TTC7A: variants seen among roughly 807,000 people sequenced by gnomAD.
TTC7A encodes tetratricopeptide repeat domain 7A.
In TTC7A, 110 loss-of-function variants were observed where a neutral mutation model predicts 103.7. The ratio of observed to expected loss-of-function variants is 1.06; its 90% CI spans 0.91 to 1.24. The LOEUF (loss-of-function observed/expected upper bound fraction) is 1.24, where lower values mean the gene tolerates loss of function less well. TTC7A is among the 50% of genes most tolerant of loss of function. The pLI, the probability that TTC7A is intolerant of heterozygous loss-of-function variation, is 0.00. For synonymous variants in TTC7A, 521 were observed against 467.9 expected (o/e 1.11, Z -1.47); for missense variants, 1,340 against 1,116.3 (o/e 1.20, Z -2.86).
intron 6 of TTC7A, 72 bp downstream of exon 6, chr2:46,993,600 A>G (rs142764474): frequency 1.4e-6 from 2 of 1,461,098 alleles, no homozygotes; most frequent in South Asian, 1.1e-5. Flanking sequence ...AAGTCCTTGC[A>G]GGGAGCCTGT....
At chr2:46,987,809 C>CGCGTGT (rs1466713336) in intron 5 of TTC7A, among the ~76,000 whole-genome samples, 3 of 144,550 alleles carry the variant, frequency 2.1e-5, no homozygotes, top group East Asian at 2.0e-4. Flanking sequence ...CCTTTCCGCG[C>CGCGTGT]GTGTGTGTGT....
At chr2:46,963,846 C>T (rs907922258) in intron 3 of TTC7A, among the ~76,000 whole-genome samples, 1 of 152,146 alleles carries the variant, frequency 6.6e-6, no homozygotes, top group Non-Finnish European at 1.5e-5. Context: ...GGGGAAGCTT[C>T]TCATGGACCT....
At chr2:46,950,630 C>G (rs1047181334) in intron 2 of TTC7A, 104 bp downstream of exon 2, 13 of 1,279,910 alleles carry the variant, frequency 1.0e-5, no homozygotes, top group Middle Eastern at 2.2e-4. Flanking sequence ...CAACAAGTCT[C>G]TCTTACAAGC....
At chr2:47,011,564 A>G (rs1484919477) in intron 11 of TTC7A, 129 bp downstream of exon 11, 2 of 711,406 alleles carry the variant, frequency 2.8e-6, no homozygotes, top group South Asian at 2.0e-5. Context: ...TACCAGGCAG[A>G]TGGGCCTGGG....
chr2:47,072,272 G>A (rs930870207), intron 19 of TTC7A, among the ~76,000 whole-genome samples: 12 of 152,204 alleles, frequency 7.9e-5, no homozygotes, highest in African/African-American at 1.7e-4. Flanking sequence ...GCCTCTGCAC[G>A]CCTCATCCGT....
intron 5 of TTC7A, among the ~76,000 whole-genome samples, chr2:46,991,275 C>T (rs1461352813): frequency 1.3e-5 from 2 of 151,942 alleles, no homozygotes; most frequent in Non-Finnish European, 2.9e-5. Flanking sequence ...GCATTTCTAA[C>T]AAGTCCCTGG....
intron 15 of TTC7A, among the ~76,000 whole-genome samples, chr2:47,043,251 G>A (rs963718678): frequency 3.3e-5 from 5 of 152,212 alleles, no homozygotes; most frequent in African/African-American, 7.2e-5. Flanking sequence ...AGAAAGTTCT[G>A]CAGTGAACTA....
intron 15 of TTC7A, among the ~76,000 whole-genome samples, chr2:47,043,170 TAGTC>T (rs1348806279): frequency 1.3e-5 from 2 of 152,220 alleles, no homozygotes; most frequent in Non-Finnish European, 2.9e-5. Flanking sequence ...CTGTGCTCCT[TAGTC>T]AGAAGAGCAG....
At position 47,051,855 on chromosome 2, in the gene TTC7A, G is replaced by A. The variant is rs759287273; in HGVS notation, c.2127G>A (p.Thr709=). 20 of 1,611,286 alleles carry A rather than the reference G, an allele frequency of 1.2e-5. No homozygotes were observed. Among genetic ancestry groups the A allele is most frequent in the Middle Eastern group, 2.0e-4 (1 of 4,922 alleles). ...AGGGCCCCATGCAGCTGTGGACCACGCTGGAACAGATCTGGCTGCAGGCTG... is the reference window on the plus strand; with the variant it reads ...AGGGCCCCATGCAGCTGTGGACCACACTGGAACAGATCTGGCTGCAGGCTG... The part of the protein sequence containing the change: ...LKQGPMQLWT[T]LEQIWLQAAE... Residue 709 remains threonine, a synonymous_variant, in exon 18 of 20, where the codon ACG becomes ACA. Transcript: ENST00000319190.
intron 18 of TTC7A, among the ~76,000 whole-genome samples, chr2:47,057,909 C>T (rs1683448848): frequency 6.6e-6 from 1 of 152,196 alleles, no homozygotes. Flanking sequence ...CTGTCCTGGT[C>T]TCTGAAGTGG....
chr2:47,018,281 GAAA>G (rs35448648), intron 11 of TTC7A, among the ~76,000 whole-genome samples: 2 of 124,440 alleles, frequency 1.6e-5, no homozygotes, highest in African/African-American at 3.1e-5. Flanking sequence ...GTCCGTCTCA[GAAA>G]AAAAAAAAAA....
intron 3 of TTC7A, chr2:46,958,638 C>G: frequency 1.1e-6 from 1 of 918,182 alleles, no homozygotes. Flanking sequence ...ATGGCCTCCC[C>G]TTTGCCTGCC....
upstream of TTC7A, among the ~76,000 whole-genome samples, chr2:46,940,269 T>G (rs1365256238): frequency 6.6e-6 from 1 of 152,190 alleles, no homozygotes; most frequent in Non-Finnish European, 1.5e-5. The surrounding 1 kb of genome is among the most constrained non-coding windows in gnomAD (Gnocchi z 4.7). Flanking sequence ...GCTCAAAAGT[T>G]TGCCCTGACC....
At chr2:47,016,754 G>C (rs1157763274) in intron 11 of TTC7A, among the ~76,000 whole-genome samples, 2 of 152,218 alleles carry the variant, frequency 1.3e-5, no homozygotes, top group Non-Finnish European at 2.9e-5. Flanking sequence ...GAAGTGTCTG[G>C]AAAGGGCACA....
intron 11 of TTC7A, among the ~76,000 whole-genome samples, chr2:47,012,660 G>T (rs549042703): frequency 5.3e-5 from 8 of 152,330 alleles, no homozygotes; most frequent in African/African-American, 1.9e-4. Flanking sequence ...CAAATTCCAT[G>T]TTCCAACCTT....
intron 6 of TTC7A, among the ~76,000 whole-genome samples, 156 bp downstream of exon 6, chr2:46,993,684 C>T (rs1247263725): frequency 1.3e-5 from 2 of 152,174 alleles, no homozygotes; most frequent in Non-Finnish European, 2.9e-5. Context: ...TCCTTTCCCA[C>T]GCAGCCAGGG....
intron 19 of TTC7A, among the ~76,000 whole-genome samples, chr2:47,062,752 GAA>G (rs1683889729): frequency 2.0e-5 from 3 of 152,242 alleles, no homozygotes; most frequent in African/African-American, 7.2e-5. Context: ...CTATTTTCCT[GAA>G]ATTGAAGCAG....
At chr2:47,049,918 T>C (rs1242761588) in intron 16 of TTC7A, 31 bp from the exon 17 acceptor site, 1 of 1,574,218 alleles carries the variant, frequency 6.4e-7, no homozygotes, top group South Asian at 1.1e-5. Flanking sequence ...CCCTCTACCT[T>C]ACCGGACCCT....
intron 18 of TTC7A, among the ~76,000 whole-genome samples, chr2:47,056,582 G>A (rs1304635043): frequency 2.0e-5 from 3 of 152,238 alleles, no homozygotes; most frequent in African/African-American, 7.2e-5. Flanking sequence ...CTCGGCTTTG[G>A]CAGGAAGACT....
Sources: gnomAD v4.1 joint callset for allele counts (sites outside exome capture counted in the v4.1 genomes callset) on GRCh38, gnomAD v4.1.1 for gene constraint, Gnocchi (gnomAD v3.1) non-coding constraint, MANE v1.5 for transcripts, NCBI Gene and HGNC (gene_info 2026-07-23, HGNC 2026-07-21) for gene names.